MYBPC1: variants seen among roughly 807,000 people sequenced by gnomAD.
MYBPC1 encodes the protein myosin-binding protein C, slow-type.
Under a neutral mutation model 147.1 loss-of-function variants are expected in MYBPC1, and 52 were observed. That is an observed-to-expected ratio of 0.35 (90% CI 0.28 to 0.45). The LOEUF (loss-of-function observed/expected upper bound fraction) is 0.45. Among genes scored for constraint, MYBPC1 ranks in the 20% least tolerant of loss-of-function variants. MYBPC1 has a pLI of 1.00. For synonymous variants in MYBPC1, 477 were observed against 475.9 expected, an observed-to-expected ratio of 1.00 and a Z score of -0.03; for missense variants, 1,228 against 1,440.3, an observed-to-expected ratio of 0.85 and a Z score of 2.39.
chr12:101,609,737 T>C (rs1440359939), intron 1 of MYBPC1, among the ~76,000 whole-genome samples: 2 of 152,232 alleles, frequency 1.3e-5, no homozygotes, highest in African/African-American at 2.4e-5. Flanking sequence ...AATGACTCAA[T>C]TGATACTAAA....
chr12:101,609,532 C>T (rs1016975826), intron 1 of MYBPC1, among the ~76,000 whole-genome samples: 1 of 152,110 alleles, frequency 6.6e-6, no homozygotes. Context: ...ATCCTCCCAC[C>T]TTGACCTCCC....
At chr12:101,631,882 G>T in intron 7 of MYBPC1, 139 bp from the exon 8 acceptor site, 1 of 1,277,408 alleles carries the variant, frequency 7.8e-7, no homozygotes, top group Non-Finnish European at 1.1e-6. Context: ...GGCTGTGTCC[G>T]GGGGCTACAG....
At chr12:101,688,213 A>G (rs1434357524), downstream of MYBPC1, among the ~76,000 whole-genome samples, 1 of 152,164 alleles carries the variant, frequency 6.6e-6, no homozygotes, top group Non-Finnish European at 1.5e-5. Flanking sequence ...TGAGGCCGGG[A>G]GTTCGAGAGC....
chr12:101,663,668 A>G, intron 22 of MYBPC1, 108 bp downstream of exon 22: 1 of 1,301,978 alleles, frequency 7.7e-7, no homozygotes, highest in East Asian at 2.5e-5. Flanking sequence ...TCCTACGAAA[A>G]TAAGATCAAG....
At chr12:101,694,468 G>C in the MYBPC1 span, among the ~76,000 whole-genome samples, 1 of 152,184 alleles carries the variant, frequency 6.6e-6, no homozygotes. Context: ...TTTGGAGATG[G>C]AGCCTTTAGG....
intron 1 of MYBPC1, chr12:101,600,515 T>C (rs1879468128): frequency 1.3e-5 from 2 of 152,220 alleles, no homozygotes; most frequent in South Asian, 4.1e-4. Context: ...AATACTTTTG[T>C]AAACAAATAC....
At chr12:101,671,629 A>G (rs924762658) in intron 24 of MYBPC1, among the ~76,000 whole-genome samples, 8 of 152,194 alleles carry the variant, frequency 5.3e-5, no homozygotes, top group Non-Finnish European at 8.8e-5. Context: ...AAGTGGCAAC[A>G]AGGCAGGTAT....
Position 101,644,781 on chromosome 12 carries a change from T to C in MYBPC1, c.950T>C (p.Ile317Thr), listed in dbSNP as rs990960036. Residue 317 changes from isoleucine (I) to threonine (T), a missense_variant, in exon 12 of 32, where the codon ATT (isoleucine) becomes ACT (threonine). Transcript: ENST00000361466. ...AAATGGTATAAAAATGGTCAAGAAATTCGACCCAGTACCAAGTAAGTGGGC... is the reference window on the plus strand; with the variant it reads ...AAATGGTATAAAAATGGTCAAGAAACTCGACCCAGTACCAAGTAAGTGGGC... ...EVKWYKNGQE[I>T]RPSTKYIFEH... 2 of 1,613,812 alleles carry C rather than the reference T, an allele frequency of 1.2e-6. No individual in the cohort carries two copies. The highest frequency in any genetic ancestry group is 1.3e-5 in the African/African-American group (1 of 74,920).
chr12:101,653,479 T>A (rs1457031157), intron 18 of MYBPC1, among the ~76,000 whole-genome samples: 1 of 103,166 alleles, frequency 9.7e-6, no homozygotes, highest in Non-Finnish European at 2.3e-5. Context: ...AAGCATGTTT[T>A]GATGCACAGT....
rs149588463 is a variant in MYBPC1 at position 101,676,091 on chromosome 12, T to G, written c.2949+660T>G. Reference sequence around the variant, plus strand: ...TAAAACGTTATGAGTTTTTTTATGATTTTTTTTCAGCTCATCAGCTATCGT... The same window carrying G: ...TAAAACGTTATGAGTTTTTTTATGAGTTTTTTTCAGCTCATCAGCTATCGT... On this transcript the variant is annotated intron_variant, in intron 26 of 31. Transcript: ENST00000361466. Among the ~76,000 whole-genome samples the G allele has an allele frequency of 3.4e-3, 511 of 152,216 alleles. 3 individuals are homozygous for G. Among genetic ancestry groups the G allele is most frequent in the African/African-American group, 0.012 (492 of 41,538 alleles).
At chr12:101,622,461 G>A (rs557700322) in intron 3 of MYBPC1, among the ~76,000 whole-genome samples, 1 of 152,304 alleles carries the variant, frequency 6.6e-6, no homozygotes, top group Non-Finnish European at 1.5e-5. Flanking sequence ...CTGGCTGGGT[G>A]AGATGGCTTG....
chr12:101,604,177 A>G (rs1265845963), intron 1 of MYBPC1, among the ~76,000 whole-genome samples: 2 of 152,196 alleles, frequency 1.3e-5, no homozygotes, highest in Non-Finnish European at 2.9e-5. Flanking sequence ...GCCCCATGTT[A>G]ACAATGAGAA....
intron 1 of MYBPC1, among the ~76,000 whole-genome samples, chr12:101,599,528 T>A (rs1228356263): frequency 6.6e-6 from 1 of 152,216 alleles, no homozygotes; most frequent in Non-Finnish European, 1.5e-5. Flanking sequence ...CTCCTTCTCA[T>A]ATCTCTTCTT....
At chr12:101,657,613 G>A (rs1249013860) in intron 18 of MYBPC1, among the ~76,000 whole-genome samples, 1 of 152,128 alleles carries the variant, frequency 6.6e-6, no homozygotes, top group Non-Finnish European at 1.5e-5. Context: ...CCAACTCCTT[G>A]AAAGATACAA....
chr12:101,599,738 G>T (rs1044527381), intron 1 of MYBPC1, among the ~76,000 whole-genome samples: 2 of 152,174 alleles, frequency 1.3e-5, no homozygotes, highest in Admixed American at 1.3e-4. Flanking sequence ...TTTCCCTTTT[G>T]ACTTCAAATG....
chr12:101,628,715 G>C (rs1193783252), intron 5 of MYBPC1, among the ~76,000 whole-genome samples: 1 of 152,176 alleles, frequency 6.6e-6, no homozygotes, highest in Non-Finnish European at 1.5e-5. Flanking sequence ...TATCACCAGA[G>C]TGCAAATGAG....
intron 8 of MYBPC1, 31 bp downstream of exon 8, chr12:101,632,169 A>T (rs949511242): frequency 7.0e-7 from 1 of 1,422,936 alleles, no homozygotes; most frequent in Non-Finnish European, 9.9e-7. Flanking sequence ...AGATAAATGT[A>T]ATTTTTTAAT....
At chr12:101,649,162 T>G (rs1893866231) in intron 14 of MYBPC1, 98 bp from the exon 15 acceptor site, 1 of 1,084,850 alleles carries the variant, frequency 9.2e-7, no homozygotes, top group Non-Finnish European at 1.4e-6. Context: ...TCTCATATCC[T>G]CCAGAAATTC....
At chr12:101,667,249 A>G (rs981488410) in intron 22 of MYBPC1, among the ~76,000 whole-genome samples, 5 of 151,650 alleles carry the variant, frequency 3.3e-5, no homozygotes, top group Non-Finnish European at 7.4e-5. Context: ...CCCTCTACCC[A>G]TGTTAGTGTC....
Sources: gnomAD v4.1 joint callset for allele counts (sites outside exome capture counted in the v4.1 genomes callset) on GRCh38, gnomAD v4.1.1 for gene constraint, MANE v1.5 for transcripts, NCBI Gene and HGNC (gene_info 2026-07-23, HGNC 2026-07-21) for gene names.